The following ATP9B variants were observed in gnomAD, a reference collection of about 807,000 sequenced individuals.
ATP9B encodes the protein probable phospholipid-transporting ATPase IIB.
ATP9B carries 110 observed loss-of-function variants against 146.1 expected under a neutral mutation model. The observed-to-expected ratio is 0.75, with a 90% CI of 0.65 to 0.88. ATP9B has a LOEUF of 0.88. ATP9B is among the 40% of genes least tolerant of loss of function. The pLI is 0.00. For missense variants in ATP9B, 1,499 were observed against 1,496.4 expected (o/e 1.00, Z -0.03); for synonymous variants, 604 against 569.7 (o/e 1.06, Z -0.86).
intron 4 of ATP9B, among the ~76,000 whole-genome samples, chr18:79,114,179 C>T (rs2094022759): frequency 2.6e-5 from 4 of 152,090 alleles, no homozygotes. Flanking sequence ...AGGCTGGTCT[C>T]GAACTCCTCA....
chr18:79,211,476 A>G (rs1280152509), intron 10 of ATP9B, among the ~76,000 whole-genome samples: 6 of 152,208 alleles, frequency 3.9e-5, no homozygotes, highest in Non-Finnish European at 8.8e-5. Context: ...GAAGTAGGCT[A>G]AGTCTCGAGG....
rs947260824 is a variant in ATP9B, at chr18:79,207,159, G to A, written c.1030+147G>A. 6.9e-6 allele frequency: 5 copies of A among 729,112 alleles called. No individual in the cohort carries two copies. The African/African-American group carries it at 7.1e-5, about 10-fold the overall frequency. 45.2% of individuals were successfully genotyped at this position (729,112 alleles called of 1,614,324 possible). A position where few individuals can be genotyped will look rare whatever the true frequency, so the allele number is the denominator to read the frequency against. On this transcript the variant is annotated intron_variant, in intron 10 of 29. Transcript: ENST00000426216. ...GCAGACTCCAGCTCAGTGGGTCTGA[G>A]ACAGTCCTGGGAGCTTGTGGTGAGG... is the stretch of plus-strand genomic sequence containing the variant.
At chr18:79,071,398 C>CTTTTTTTTTTT (rs747150962) in intron 1 of ATP9B, among the ~76,000 whole-genome samples, 17 of 22,400 alleles carry the variant, frequency 7.6e-4, no homozygotes, top group Admixed American at 3.3e-3. Context: ...TATTGTTCTT[C>CTTTTTTTTTTT]CTTTTTTTTT....
intron 17 of ATP9B, among the ~76,000 whole-genome samples, chr18:79,332,501 C>G (rs996646861): frequency 6.6e-6 from 1 of 152,138 alleles, no homozygotes; most frequent in Non-Finnish European, 1.5e-5. Context: ...AGTGGGCCAT[C>G]GTGAAGACCT....
rs867069515 is a variant in ATP9B at position 79,265,395 on chromosome 18, C to T, written c.1269-11659C>T. The stretch of plus-strand genomic sequence containing the variant: ...TCCTGACCTCCTGATCTGCCCGCCT[C>T]GGCCTCCCAAAGTTCTGGGATTACA... On this transcript the variant is annotated intron_variant, in intron 12 of 29. Coordinates refer to ENST00000426216, the MANE Select transcript of ATP9B (RefSeq NM_198531.5). Among the ~76,000 whole-genome samples, 10 of 152,172 alleles carry T rather than the reference C, an allele frequency of 6.6e-5. No homozygotes were observed. The South Asian group carries it at 1.0e-3, about 16-fold the overall frequency.
intron 4 of ATP9B, among the ~76,000 whole-genome samples, chr18:79,120,461 C>G (rs1190612809): frequency 6.6e-6 from 1 of 152,042 alleles, no homozygotes; most frequent in Non-Finnish European, 1.5e-5. Flanking sequence ...TTTTCAGTTG[C>G]TTTTGGTAAT....
At position 79,327,523 on chromosome 18, in the gene ATP9B, GC is replaced by G. The variant is rs1568696871; in HGVS notation, c.1774-1617del. On this transcript the variant is annotated intron_variant, in intron 15 of 29. Coordinates refer to ENST00000426216, the MANE Select transcript of ATP9B (RefSeq NM_198531.5). ...AGTGTGCTCTCTCCATGGTTAGCGT[GC>G]TCTCCGTGGTTAGCGTGCTCTCCGT... 1.1e-3 allele frequency among the ~76,000 whole-genome samples: 132 copies of G among 117,816 alleles called. 1 individual carries two copies. Among genetic ancestry groups the G allele is most frequent in the African/African-American group, 4.1e-3 (127 of 30,958 alleles). 77.3% of individuals were successfully genotyped at this position (117,816 alleles called of 152,430 possible).
intron 5 of ATP9B, among the ~76,000 whole-genome samples, chr18:79,136,097 A>G (rs551365848): frequency 2.0e-5 from 3 of 152,328 alleles, no homozygotes; most frequent in African/African-American, 4.8e-5. Context: ...CAAAGGGCCT[A>G]CATCTAACAA....
At chr18:79,346,138 G>A (rs1395073843) in intron 23 of ATP9B, among the ~76,000 whole-genome samples, 1 of 149,682 alleles carries the variant, frequency 6.7e-6, no homozygotes, top group Non-Finnish European at 1.5e-5. Context: ...CCAGCGCACA[G>A]TCAGCACACA....
chr18:79,293,075 G>A (rs1195085193), intron 13 of ATP9B, among the ~76,000 whole-genome samples: 1 of 151,368 alleles, frequency 6.6e-6, no homozygotes, highest in Non-Finnish European at 1.5e-5. Flanking sequence ...TTTTCAACAA[G>A]GATGCCAAGA....
At chr18:79,113,401 A>C (rs754285802) in intron 4 of ATP9B, 47 bp downstream of exon 4, 1 of 1,192,058 alleles carries the variant, frequency 8.4e-7, no homozygotes, top group Non-Finnish European at 1.2e-6. Context: ...AATATTTAGA[A>C]TATAGTTTTA....
chr18:79,328,400 A>G (rs938442325), intron 15 of ATP9B, among the ~76,000 whole-genome samples: 10 of 152,254 alleles, frequency 6.6e-5, no homozygotes, highest in Admixed American at 5.9e-4. Context: ...TTAAATTTTA[A>G]TAAGTCAATA....
intron 15 of ATP9B, among the ~76,000 whole-genome samples, chr18:79,314,814 G>A (rs1391729195): frequency 7.9e-5 from 12 of 152,230 alleles, no homozygotes; most frequent in Admixed American, 7.9e-4. Context: ...TAGGGCATAT[G>A]TCCAGTGCAG....
At chr18:79,092,814 A>T (rs1173446263) in intron 1 of ATP9B, among the ~76,000 whole-genome samples, 1 of 152,050 alleles carries the variant, frequency 6.6e-6, no homozygotes, top group Non-Finnish European at 1.5e-5. Flanking sequence ...TTCTGCTGGG[A>T]TACCTCCTGA....
intron 5 of ATP9B, among the ~76,000 whole-genome samples, chr18:79,137,108 A>AT (rs753135389): frequency 1.3e-5 from 2 of 152,074 alleles, no homozygotes; most frequent in Non-Finnish European, 2.9e-5. Context: ...CATTTGTTGT[A>AT]TTTTTTATCT....
chr18:79,201,258 T>G (rs2095485039), intron 9 of ATP9B, among the ~76,000 whole-genome samples: 1 of 152,252 alleles, frequency 6.6e-6, no homozygotes, highest in Non-Finnish European at 1.5e-5. Context: ...TTGATTTTTC[T>G]GTGTATTTTT....
intron 26 of ATP9B, 145 bp from the exon 27 acceptor site, chr18:79,372,680 A>G (rs1368815835): frequency 1.4e-6 from 1 of 712,648 alleles, no homozygotes; most frequent in Non-Finnish European, 2.6e-6. Flanking sequence ...GGCGCCCGAA[A>G]TGCTGGTAGA....
intron 9 of ATP9B, among the ~76,000 whole-genome samples, chr18:79,194,090 G>C (rs2095395236): frequency 6.6e-6 from 1 of 152,144 alleles, no homozygotes. Context: ...ACACAAGCAT[G>C]CATAAGATGT....
chr18:79,127,444 A>C (rs903440098), intron 5 of ATP9B, among the ~76,000 whole-genome samples: 1 of 151,896 alleles, frequency 6.6e-6, no homozygotes, highest in Non-Finnish European at 1.5e-5. Context: ...TGCACATTTC[A>C]TATCAATGGA....
Sources: gnomAD v4.1 joint callset for allele counts (sites outside exome capture counted in the v4.1 genomes callset) on GRCh38, gnomAD v4.1.1 for gene constraint, MANE v1.5 for transcripts, NCBI Gene and HGNC (gene_info 2026-07-23, HGNC 2026-07-21) for gene names.